The following DCLK2 variants were observed in gnomAD, a reference collection of about 807,000 sequenced individuals.
DCLK2 encodes doublecortin like kinase 2, also known as serine/threonine-protein kinase DCLK2.
DCLK2 carries 31 observed loss-of-function variants against 78.4 expected under a neutral mutation model. The observed-to-expected ratio is 0.40, with a 90% confidence interval of 0.30 to 0.53. The LOEUF (loss-of-function observed/expected upper bound fraction) is 0.53, where lower values mean the gene tolerates loss of function less well. Among genes scored for constraint, DCLK2 ranks in the 20% least tolerant of loss-of-function variants. DCLK2 has a pLI of 0.61. For synonymous variants in DCLK2, 407 were observed against 374.9 expected, an observed-to-expected ratio of 1.09 and a Z score of -0.99; for missense variants, 872 against 973.7, an observed-to-expected ratio of 0.90 and a Z score of 1.39.
chr4:150,146,994 C>A (rs28530482), intron 2 of DCLK2, among the ~76,000 whole-genome samples: 44,902 of 151,418 alleles, frequency 0.3, 6,695 homozygotes, highest in East Asian at 0.34. Flanking sequence ...AATTGAAATA[C>A]TGTATGTGGC....
intron 2 of DCLK2, among the ~76,000 whole-genome samples, chr4:150,157,784 A>G (rs1322168146): frequency 6.6e-6 from 1 of 152,140 alleles, no homozygotes; most frequent in African/African-American, 2.4e-5. Context: ...AAGTCCTGGG[A>G]TTACAGGCAT....
intron 15 of DCLK2, among the ~76,000 whole-genome samples, chr4:150,252,675 C>T (rs1406329228): frequency 6.6e-6 from 1 of 152,236 alleles, no homozygotes; most frequent in African/African-American, 2.4e-5. Flanking sequence ...ACTCAAAAGA[C>T]AAACCCCTGG....
At chr4:150,244,819 C>T (rs892201232) in intron 12 of DCLK2, among the ~76,000 whole-genome samples, 8 of 152,240 alleles carry the variant, frequency 5.3e-5, no homozygotes, top group Non-Finnish European at 5.9e-5. Flanking sequence ...TGCTGAGACA[C>T]CCTGTGGTTT....
intron 5 of DCLK2, among the ~76,000 whole-genome samples, chr4:150,217,046 G>A (rs1740776160): frequency 1.3e-5 from 2 of 152,134 alleles, no homozygotes; most frequent in South Asian, 4.1e-4. Flanking sequence ...ATGCTCATTA[G>A]CATTTTAAGA....
intron 4 of DCLK2, chr4:150,199,062 T>C: frequency 6.3e-7 from 1 of 1,596,680 alleles, no homozygotes; most frequent in Non-Finnish European, 8.5e-7. Context: ...GTGCCTATTC[T>C]ACAGCCAAAT....
rs532799631 is a variant in DCLK2, at chr4:150,110,403, T to C, written c.756+7591T>C. 2.6e-5 allele frequency among the ~76,000 whole-genome samples: 4 copies of C among 152,338 alleles called. No homozygotes were observed. In the East Asian group the frequency reaches 7.7e-4, roughly 29 times the overall value. Reference sequence around the variant, plus strand: ...ATTTGACAATGTGTAGAGTAATAGCTAACAGCTTAATTAGGTAATAGATAA... The same window carrying C: ...ATTTGACAATGTGTAGAGTAATAGCCAACAGCTTAATTAGGTAATAGATAA... On this transcript the variant is annotated intron_variant, in intron 2 of 15. Coordinates refer to ENST00000296550, the MANE Select transcript of DCLK2 (RefSeq NM_001040260.4).
In DCLK2 at chr4:150,193,144, T is replaced by C. The variant is rs1335343936; in HGVS notation, c.763T>C (p.Cys255Arg). The C allele has an allele frequency of 4.4e-6, 7 of 1,605,590 alleles. No homozygotes were observed. The African/African-American group carries it at 9.4e-5, about 21-fold the overall frequency. Residue 255 changes from cysteine to arginine, a missense_variant, in exon 3 of 16, where the codon TGT (cysteine) becomes CGT (arginine). This residue lies in a region of DCLK2 where 567 missense variants were observed against 593.4 expected (regional missense o/e 0.96). Transcript: ENST00000296550. ...ACATGATTTTTGTTCTCAGGTTACT[T>C]GTCTGCAAGACTTTTTTGGTGATGA... ...LCTLDGKQVT[C>R]LQDFFGDDDV...
intron 12 of DCLK2, among the ~76,000 whole-genome samples, chr4:150,246,445 AGGACACCACGCT>A (rs1316058537): frequency 2.6e-5 from 4 of 152,222 alleles, no homozygotes; most frequent in African/African-American, 9.6e-5. Flanking sequence ...TCTGTTTCTC[AGGACACCACGCT>A]TGCCCTTGTT....
chr4:150,199,209 G>A lies in DCLK2; in HGVS notation c.961+1106G>A, dbSNP rs536923732. 68 of 816,712 alleles carry A rather than the reference G, an allele frequency of 8.3e-5. No homozygotes were observed. The African/African-American group carries it at 9.7e-4, about 12-fold the overall frequency. The allele number at this position is 816,712 out of a possible 1,614,324, so 50.6% of individuals were successfully genotyped here. A position where few individuals can be genotyped will look rare whatever the true frequency, so the allele number is the denominator to read the frequency against. ...ATTCCAGTGCACATCTGTGTGGTATGAAATGCTTTGCATTGCACAAGACAC... is the reference window on the plus strand; with the variant it reads ...ATTCCAGTGCACATCTGTGTGGTATAAAATGCTTTGCATTGCACAAGACAC... On this transcript the variant is annotated intron_variant, in intron 4 of 15. Transcript: ENST00000296550.
At chr4:150,080,693 G>A (rs1463610488) in intron 1 of DCLK2, among the ~76,000 whole-genome samples, 3 of 152,230 alleles carry the variant, frequency 2.0e-5, no homozygotes, top group South Asian at 4.1e-4. Flanking sequence ...TTGCCTCACA[G>A]TGCCTGCAGC....
intron 10 of DCLK2, among the ~76,000 whole-genome samples, chr4:150,233,070 G>T (rs1742205960): frequency 6.6e-6 from 1 of 152,124 alleles, no homozygotes; most frequent in Non-Finnish European, 1.5e-5. Flanking sequence ...CCTGAGACTG[G>T]GTAATTTATG....
intron 2 of DCLK2, among the ~76,000 whole-genome samples, chr4:150,169,008 T>A (rs146780431): frequency 9.0e-4 from 137 of 152,198 alleles, no homozygotes; most frequent in African/African-American, 3.0e-3. Context: ...TACTACAAAG[T>A]TCTGCCCCCA....
At chr4:150,101,493 G>A (rs140881343) in intron 1 of DCLK2, among the ~76,000 whole-genome samples, 201 of 151,936 alleles carry the variant, frequency 1.3e-3, no homozygotes, top group Middle Eastern at 3.4e-3. Flanking sequence ...TATTGTTAAC[G>A]ATGAGTGTTA....
chr4:150,198,474 C>A (rs1739223212), intron 4 of DCLK2, among the ~76,000 whole-genome samples: 1 of 108,426 alleles, frequency 9.2e-6, no homozygotes. Flanking sequence ...AACACATGCA[C>A]ATGCACACAC....
chr4:150,120,980 A>T (rs1732491402), intron 2 of DCLK2, among the ~76,000 whole-genome samples: 1 of 152,192 alleles, frequency 6.6e-6, no homozygotes, highest in East Asian at 1.9e-4. Context: ...CTGAGGCACA[A>T]GAATTACTTA....
chr4:150,253,371 G>T, intron 15 of DCLK2: 1 of 1,200,672 alleles, frequency 8.3e-7, no homozygotes. Flanking sequence ...CATCCCCAGA[G>T]CTGGGGCCTG....
intron 5 of DCLK2, among the ~76,000 whole-genome samples, chr4:150,210,680 G>T (rs929638761): frequency 6.6e-6 from 1 of 152,076 alleles, no homozygotes; most frequent in African/African-American, 2.4e-5. Flanking sequence ...AGGCACAGTC[G>T]CTCACGCCTT....
Position 150,090,770 on chromosome 4 carries a change from C to T in DCLK2, c.421+11322C>T, listed in dbSNP as rs557503280. Among the ~76,000 whole-genome samples, 382 of 152,220 alleles carry T rather than the reference C, an allele frequency of 2.5e-3. 4 individuals carry two copies. The highest frequency in any genetic ancestry group is 8.6e-3 in the African/African-American group (355 of 41,518). ...CAAAGCAGATTTTGTACCCCCTTCT[C>T]GGTAGAAGGTATCACAGACCATACA... On this transcript the variant is annotated intron_variant, in intron 1 of 15. Coordinates refer to ENST00000296550, the MANE Select transcript of DCLK2 (RefSeq NM_001040260.4).
intron 5 of DCLK2, among the ~76,000 whole-genome samples, chr4:150,207,589 G>A (rs7672325): frequency 0.022 from 3,368 of 152,248 alleles, 128 homozygotes; most frequent in African/African-American, 0.077. Flanking sequence ...TGCTAAGACT[G>A]TGTTCTTTGA....
Sources: allele counts gnomAD v4.1 joint callset (sites outside exome capture counted in the v4.1 genomes callset), GRCh38; gene constraint gnomAD v4.1.1; regional missense constraint gnomAD v4.1.1; transcripts MANE v1.5; gene names NCBI Gene and HGNC (gene_info 2026-07-23, HGNC 2026-07-21).